ANG: variants seen among roughly 807,000 people sequenced by gnomAD.
ANG encodes Homo sapiens epididymis luminal protein 168.
For synonymous variants in ANG, 74 were observed against 73.8 expected, an observed-to-expected ratio of 1.00 and a Z score of -0.02; for missense variants, 178 against 187.4, an observed-to-expected ratio of 0.95 and a Z score of 0.29.
At chr14:20,686,919 C>T (rs1886452178), upstream of ANG, among the ~76,000 whole-genome samples, 3 of 152,284 alleles carry the variant, frequency 2.0e-5, no homozygotes, top group Non-Finnish European at 4.4e-5. Flanking sequence ...GGAAAGTGCT[C>T]TAACACTAGG....
At chr14:20,690,221 CAAAAAAAAAAAAA>C (rs36091065) in intron 1 of ANG, among the ~76,000 whole-genome samples, 5 of 67,980 alleles carry the variant, frequency 7.4e-5, no homozygotes, top group South Asian at 6.8e-4. Flanking sequence ...GACTCCGTCT[CAAAAAAAAAAAAA>C]AAAAAAAAAA....
At chr14:20,690,689 A>G (rs1166645455) in intron 1 of ANG, among the ~76,000 whole-genome samples, 1 of 152,210 alleles carries the variant, frequency 6.6e-6, no homozygotes. Context: ...TTTAATGAGA[A>G]CCATGAAACT....
At chr14:20,692,254 A>G (rs1280193406) in intron 1 of ANG, among the ~76,000 whole-genome samples, 1 of 152,270 alleles carries the variant, frequency 6.6e-6, no homozygotes, top group Non-Finnish European at 1.5e-5. Flanking sequence ...CCAAGAAATC[A>G]TAGCCAGTCA....
chr14:20,691,975 C>T (rs1329122803), intron 1 of ANG, among the ~76,000 whole-genome samples: 1 of 152,206 alleles, frequency 6.6e-6, no homozygotes, highest in Admixed American at 6.5e-5. Context: ...CTCAGACTCC[C>T]TTCTGTGAAC....
chr14:20,693,699 G>C lies in ANG; in HGVS notation c.135G>C (p.Arg45=). The change falls in exon 2 of 2, where the codon CGG becomes CGC. Residue 45 remains arginine, a synonymous_variant. Transcript: ENST00000397990. ...TQHYDAKPQG[R]DDRYCESIMR... The stretch of plus-strand genomic sequence containing the variant: ...ACTATGATGCCAAACCACAGGGCCG[G>C]GATGACAGATACTGTGAAAGCATCA... 1 of 1,614,164 alleles carries C rather than the reference G, an allele frequency of 6.2e-7. No individual in the cohort carries two copies. The highest frequency in any genetic ancestry group is 8.5e-7 in the Non-Finnish European group (1 of 1,180,044).
chr14:20,690,239 A>AAAAAAAAG (rs1886667168), intron 1 of ANG, among the ~76,000 whole-genome samples: 2 of 149,734 alleles, frequency 1.3e-5, no homozygotes, highest in African/African-American at 4.9e-5. Flanking sequence ...AAAAAAAAAA[A>AAAAAAAAG]AAAAAAAAAG....
chr14:20,692,594 A>AGAG (rs1886824879), intron 1 of ANG, among the ~76,000 whole-genome samples: 1 of 152,206 alleles, frequency 6.6e-6, no homozygotes, highest in Non-Finnish European at 1.5e-5. Flanking sequence ...TGCACTCTTT[A>AGAG]TGAGAATCTA....
chr14:20,685,803 A>C (rs577139712), upstream of ANG, among the ~76,000 whole-genome samples: 1 of 152,158 alleles, frequency 6.6e-6, no homozygotes, highest in Admixed American at 6.5e-5. Context: ...GCACTTTGGG[A>C]GGCCGAGGTG....
At chr14:20,693,507 C>G (rs1255188514) in intron 1 of ANG, 40 bp from the exon 2 acceptor site, 3 of 1,604,284 alleles carry the variant, frequency 1.9e-6, no homozygotes, top group Non-Finnish European at 2.5e-6. Context: ...TTTGGTGATG[C>G]TGTTCTTGGG....
intron 1 of ANG, among the ~76,000 whole-genome samples, chr14:20,689,880 C>T (rs12434011): frequency 0.045 from 6,460 of 142,980 alleles, 171 homozygotes; most frequent in Middle Eastern, 0.079. Flanking sequence ...AGCACCACTG[C>T]GATCTAGCCT....
chr14:20,684,918 C>T (rs1886352517), upstream of ANG, among the ~76,000 whole-genome samples: 1 of 152,078 alleles, frequency 6.6e-6, no homozygotes, highest in African/African-American at 2.4e-5. Context: ...CGTGAAAGTC[C>T]CGTATTTGTA....
upstream of ANG, among the ~76,000 whole-genome samples, chr14:20,686,941 C>T (rs8003273): frequency 7.2e-3 from 1,098 of 152,280 alleles, 16 homozygotes; most frequent in African/African-American, 0.025. Flanking sequence ...TCCTTGGAAA[C>T]AGGACCCGTG....
upstream of ANG, among the ~76,000 whole-genome samples, chr14:20,687,528 G>T (rs530303074): frequency 6.6e-6 from 1 of 152,128 alleles, no homozygotes; most frequent in Non-Finnish European, 1.5e-5. Flanking sequence ...ACCGCTTTTC[G>T]GGACTCAGAG....
chr14:20,684,745 G>C (rs371640821), upstream of ANG: 1 of 152,768 alleles, frequency 6.5e-6, no homozygotes, highest in East Asian at 1.9e-4. Flanking sequence ...CTGCGGACTT[G>C]TTCTGAGGCC....
At chr14:20,685,901 A>G (rs1034700984), upstream of ANG, among the ~76,000 whole-genome samples, 2 of 152,056 alleles carry the variant, frequency 1.3e-5, no homozygotes, top group African/African-American at 2.4e-5. Flanking sequence ...TTAGCCGGGC[A>G]CGGTGGTGAG....
At chr14:20,692,972 C>T (rs1219702756) in intron 1 of ANG, among the ~76,000 whole-genome samples, 4 of 151,770 alleles carry the variant, frequency 2.6e-5, no homozygotes, top group Non-Finnish European at 5.9e-5. Context: ...CTCAGCCTCC[C>T]GAGTAGCTGG....
intron 1 of ANG, among the ~76,000 whole-genome samples, chr14:20,692,722 C>A (rs1391492450): frequency 1.3e-5 from 2 of 152,216 alleles, no homozygotes; most frequent in Non-Finnish European, 2.9e-5. Context: ...ATGTTAGAGA[C>A]CACTCCCCTA....
upstream of ANG, among the ~76,000 whole-genome samples, chr14:20,688,489 T>A (rs1259957283): frequency 2.0e-5 from 3 of 152,138 alleles, no homozygotes; most frequent in African/African-American, 7.2e-5. Flanking sequence ...TCCAGACTAT[T>A]ATGTGTGAAT....
upstream of ANG, among the ~76,000 whole-genome samples, chr14:20,684,919 C>T (rs557019430): frequency 6.6e-6 from 1 of 152,070 alleles, no homozygotes. Context: ...GTGAAAGTCC[C>T]GTATTTGTAT....
Sources: gnomAD v4.1 joint callset for allele counts (sites outside exome capture counted in the v4.1 genomes callset) on GRCh38, gnomAD v4.1.1 for gene constraint, MANE v1.5 for transcripts, NCBI Gene and HGNC (gene_info 2026-07-23, HGNC 2026-07-21) for gene names.